The following SCN11A variants were observed in gnomAD, a reference collection of about 807,000 sequenced individuals.
SCN11A encodes sodium channel protein type 11 subunit alpha.
SCN11A carries 122 observed loss-of-function variants against 162.2 expected under a neutral mutation model. The ratio of observed to expected loss-of-function variants is 0.75; its 90% CI spans 0.65 to 0.87. The LOEUF is 0.87. SCN11A is among the 40% of genes least tolerant of loss of function. The pLI is 0.00. For missense variants in SCN11A, 2,015 were observed against 2,181.6 expected, an observed-to-expected ratio of 0.92 and a Z score of 1.52; for synonymous variants, 758 against 751.5, an observed-to-expected ratio of 1.01 and a Z score of -0.14.
intron 7 of SCN11A, among the ~76,000 whole-genome samples, chr3:38,929,131 G>GCGCGCGCA (rs774058202): frequency 5.4e-5 from 2 of 36,994 alleles, no homozygotes; most frequent in African/African-American, 1.4e-4. Context: ...CTGGGTCTGT[G>GCGCGCGCA]CACGCACACA....
At chr3:39,017,404 A>C (rs919390504) in intron 2 of SCN11A, among the ~76,000 whole-genome samples, 1 of 152,192 alleles carries the variant, frequency 6.6e-6, no homozygotes, top group Non-Finnish European at 1.5e-5. Flanking sequence ...AAGAAATCTA[A>C]AGTCATCCTC....
chr3:39,046,900 T>C (rs1431078627), intron 1 of SCN11A, among the ~76,000 whole-genome samples: 1 of 149,922 alleles, frequency 6.7e-6, no homozygotes, highest in African/African-American at 2.5e-5. Flanking sequence ...TTTGTATTTT[T>C]TGATAAAGAC....
At chr3:39,042,642 AAATC>A (rs1164841734) in intron 1 of SCN11A, among the ~76,000 whole-genome samples, 3 of 152,172 alleles carry the variant, frequency 2.0e-5, no homozygotes, top group Admixed American at 2.0e-4. Context: ...TAGGGAAAAA[AAATC>A]TAATAATCTG....
At chr3:39,005,906 A>G (rs2030959315) in intron 2 of SCN11A, among the ~76,000 whole-genome samples, 1 of 152,114 alleles carries the variant, frequency 6.6e-6, no homozygotes, top group Non-Finnish European at 1.5e-5. Context: ...ACCTGAGTAC[A>G]TACTTTAATA....
chr3:38,872,341 G>A (rs1446781978), intron 23 of SCN11A, 47 bp from the exon 24 acceptor site: 2 of 1,045,148 alleles, frequency 1.9e-6, no homozygotes, highest in East Asian at 2.4e-5. Context: ...TTGGTGTCCA[G>A]CTGGAAAGTC....
rs762898189 is a variant in SCN11A at position 38,953,766 on chromosome 3, G to A, written c.-138-7C>T. Among the ~76,000 whole-genome samples, 23 of 152,166 alleles carry A rather than the reference G, an allele frequency of 1.5e-4. No individual in the cohort carries two copies. Among genetic ancestry groups the A allele is most frequent in the Non-Finnish European group, 2.5e-4 (17 of 68,034 alleles). ...CTGAAGCTGCCTGGGGAACCTGCAA[G>A]TGGAGAGAACCAAAAGGCACTCGAA... is the stretch of plus-strand genomic sequence containing the variant. On this transcript the variant is annotated splice_polypyrimidine_tract_variant and splice_region_variant and intron_variant, in intron 3 of 29. Transcript: ENST00000302328.
chr3:38,849,411 C>T (rs1247208733), intron 29 of SCN11A: 2 of 152,062 alleles, frequency 1.3e-5, no homozygotes, highest in African/African-American at 4.8e-5. Context: ...GGCTTAGAAA[C>T]CAGAACACAC....
At chr3:38,967,196 G>GT (rs2066788334) in intron 2 of SCN11A, among the ~76,000 whole-genome samples, 1 of 152,166 alleles carries the variant, frequency 6.6e-6, no homozygotes, top group African/African-American at 2.4e-5. Context: ...CCAATGATCC[G>GT]TATCTCCTGA....
In SCN11A at chr3:38,879,942, AAACTTACAAT is replaced by A. The variant is rs757147946; in HGVS notation, c.3391_3393+7del. 4.7e-5 allele frequency: 76 copies of A among 1,610,620 alleles called. No individual in the cohort carries two copies. The highest frequency in any genetic ancestry group is 6.3e-5 in the Non-Finnish European group (74 of 1,178,076). ...AGCCTGTGTGGGACACAGAGATGGTAAACTTACAATCACAATGATGAAATCAAGGCAGCAC... is the reference window on the plus strand; with the variant it reads ...AGCCTGTGTGGGACACAGAGATGGTACACAATGATGAAATCAAGGCAGCAC... On this transcript the variant is annotated splice_donor_variant and splice_donor_5th_base_variant and coding_sequence_variant and intron_variant, in exon 23 of 30. Coordinates refer to ENST00000302328, the MANE Select transcript of SCN11A (RefSeq NM_001349253.2). LOFTEE classifies it high-confidence loss of function.
At chr3:38,994,537 T>C (rs1490670505) in intron 2 of SCN11A, among the ~76,000 whole-genome samples, 2 of 152,162 alleles carry the variant, frequency 1.3e-5, no homozygotes, top group African/African-American at 4.8e-5. Flanking sequence ...ATATTATGAT[T>C]CCTCCCTACT....
chr3:38,960,815 C>T (rs974582264), intron 2 of SCN11A, among the ~76,000 whole-genome samples: 9 of 152,190 alleles, frequency 5.9e-5, no homozygotes, highest in Non-Finnish European at 1.2e-4. Context: ...CCTCCTTTCT[C>T]TTCTCTTGTG....
At position 38,898,715 on chromosome 3, in the gene SCN11A, G is replaced by A. The variant is rs566511868; in HGVS notation, c.2022+1179C>T. Among the ~76,000 whole-genome samples the A allele has an allele frequency of 1.2e-3, 184 of 152,112 alleles. 1 individual carries two copies. The highest frequency in any genetic ancestry group is 4.1e-3 in the African/African-American group (171 of 41,498). ...ATATTAACTTTTGATATAAACTGAC[G>A]GTTTTACTCCAAAGTACAATTTTGT... On this transcript the variant is annotated intron_variant, in intron 17 of 29. Coordinates refer to ENST00000302328, the MANE Select transcript of SCN11A (RefSeq NM_001349253.2).
chr3:38,944,025 A>G (rs2066479375), intron 7 of SCN11A, among the ~76,000 whole-genome samples: 1 of 152,186 alleles, frequency 6.6e-6, no homozygotes, highest in Non-Finnish European at 1.5e-5. Context: ...TATCCCAATT[A>G]CCCTTAAGTG....
Position 38,846,673 on chromosome 3 carries a change from G to A in SCN11A, c.*21C>T. The A allele has an allele frequency of 6.2e-7, 1 of 1,600,588 alleles. No individual in the cohort carries two copies. On this transcript the variant is annotated 3_prime_UTR_variant, in exon 30 of 30. Transcript: ENST00000302328. ...TGAAGGCAAGGCTGTGAAGCTATGA[G>A]GTAGGCGTGGAGGTGAGGGCTCAGT...
rs550811561 is a variant in SCN11A at position 38,868,512 on chromosome 3, T to A, written c.3814-1054A>T. Among the ~76,000 whole-genome samples, 27 of 152,374 alleles carry A rather than the reference T, an allele frequency of 1.8e-4. No homozygotes were observed. In the East Asian group the frequency reaches 4.4e-3, roughly 25 times the overall value. ...CTTTGAGATATAGGAATGTCTGTACTCCTTCATGTCCCTCTTTGTTAAATC... is the reference window on the plus strand; with the variant it reads ...CTTTGAGATATAGGAATGTCTGTACACCTTCATGTCCCTCTTTGTTAAATC... On this transcript the variant is annotated intron_variant, in intron 26 of 29. Transcript: ENST00000302328.
At chr3:38,958,471 A>G (rs1281242950) in intron 3 of SCN11A, among the ~76,000 whole-genome samples, 1 of 152,180 alleles carries the variant, frequency 6.6e-6, no homozygotes, top group Non-Finnish European at 1.5e-5. Context: ...CCTTTGTAAA[A>G]AGTCCCTTTA....
chr3:38,913,174 T>C (rs552578111), intron 11 of SCN11A, among the ~76,000 whole-genome samples: 2 of 152,322 alleles, frequency 1.3e-5, no homozygotes, highest in East Asian at 3.9e-4. Flanking sequence ...TGATAGCCAT[T>C]CTGACTGGTG....
intron 7 of SCN11A, among the ~76,000 whole-genome samples, chr3:38,929,932 A>T (rs1375034183): frequency 2.0e-5 from 3 of 152,204 alleles, no homozygotes; most frequent in African/African-American, 4.8e-5. Flanking sequence ...AACTGTAAGA[A>T]ATACATCTGT....
intron 9 of SCN11A, among the ~76,000 whole-genome samples, chr3:38,924,229 T>C (rs1021222239): frequency 3.5e-5 from 5 of 142,940 alleles, no homozygotes; most frequent in African/African-American, 1.0e-4. Context: ...CCTTCAGTCC[T>C]TTTTTTTTTT....
Sources: gnomAD v4.1 joint callset for allele counts (sites outside exome capture counted in the v4.1 genomes callset) on GRCh38, gnomAD v4.1.1 for gene constraint, MANE v1.5 for transcripts, NCBI Gene and HGNC (gene_info 2026-07-23, HGNC 2026-07-21) for gene names.